Variants in SEC62 observed in about 807,000 individuals in gnomAD.
SEC62 encodes the protein SEC62 preprotein translocation factor.
In SEC62, 10 loss-of-function variants were observed where a neutral mutation model predicts 47.5. The observed-to-expected ratio is 0.21, with a 90% CI of 0.13 to 0.36. The LOEUF (loss-of-function observed/expected upper bound fraction) is 0.36, where lower values mean the gene tolerates loss of function less well. SEC62 is among the 10% of genes least tolerant of loss of function. The pLI, the probability that SEC62 is intolerant of heterozygous loss-of-function variation, is 1.00. For synonymous variants in SEC62, 136 were observed against 150.5 expected, an observed-to-expected ratio of 0.90 and a Z score of 0.71; for missense variants, 327 against 464.1, an observed-to-expected ratio of 0.70 and a Z score of 2.71.
intron 3 of SEC62, 98 bp downstream of exon 3, chr3:169,977,149 A>C: frequency 1.5e-6 from 1 of 683,168 alleles, no homozygotes; most frequent in South Asian, 2.5e-5. Flanking sequence ...ATACTACAAC[A>C]TAACTCAAAT....
chr3:169,969,705 T>C (rs1179813280), intron 1 of SEC62, among the ~76,000 whole-genome samples: 1 of 150,870 alleles, frequency 6.6e-6, no homozygotes, highest in African/African-American at 2.4e-5. Flanking sequence ...TGAATACTCT[T>C]TCTGTCTCAC....
At chr3:169,979,425 T>C (rs916803241) in intron 3 of SEC62, among the ~76,000 whole-genome samples, 3 of 152,198 alleles carry the variant, frequency 2.0e-5, no homozygotes, top group African/African-American at 7.2e-5. Flanking sequence ...AAAACAATCT[T>C]TTCTAATGTG....
chr3:169,969,244 T>C lies in SEC62; in HGVS notation c.36+2386T>C, dbSNP rs1225002404. The C allele has an allele frequency of 6.6e-6, 3 of 453,652 alleles. No individual in the cohort carries two copies. The Admixed American group carries it at 7.1e-5, about 11-fold the overall frequency. The allele number at this position is 453,652 out of a possible 1,614,324, so 28.1% of individuals were successfully genotyped here. A position where few individuals can be genotyped will look rare whatever the true frequency, so the allele number is the denominator to read the frequency against. On this transcript the variant is annotated intron_variant, in intron 1 of 7. Coordinates refer to ENST00000337002, the MANE Select transcript of SEC62 (RefSeq NM_003262.4). The stretch of plus-strand genomic sequence containing the variant: ...TTGATACAAACAAATAAGTTCAGGG[T>C]TAAAAAAAAAAGTAGCTAATTTGCT...
At chr3:169,971,676 TA>T (rs1714701750) in intron 1 of SEC62, among the ~76,000 whole-genome samples, 1 of 152,226 alleles carries the variant, frequency 6.6e-6, no homozygotes, top group African/African-American at 2.4e-5. Flanking sequence ...ATGAGATTTT[TA>T]AATTTTGTGC....
At chr3:169,990,328 G>A (rs1715215419) in intron 7 of SEC62, among the ~76,000 whole-genome samples, 1 of 151,650 alleles carries the variant, frequency 6.6e-6, no homozygotes, top group African/African-American at 2.4e-5. Context: ...TATATCTGGT[G>A]TTTCTTTGAA....
chr3:169,977,056 T>C lies in SEC62; in HGVS notation c.251+5T>C, dbSNP rs754390303. The stretch of plus-strand genomic sequence containing the variant: ...TGTGGTTGACTACTGCAACAGGTAC[T>C]GTTTATTTCTTAGTGAAGAATAACA... On this transcript the variant is annotated splice_donor_5th_base_variant and intron_variant, in intron 3 of 7. Coordinates refer to ENST00000337002, the MANE Select transcript of SEC62 (RefSeq NM_003262.4). The C allele has an allele frequency of 8.3e-6, 13 of 1,575,210 alleles. No homozygotes were observed. Among genetic ancestry groups the C allele is most frequent in the Non-Finnish European group, 1.0e-5 (12 of 1,153,086 alleles).
intron 3 of SEC62, among the ~76,000 whole-genome samples, chr3:169,980,086 A>G (rs768658453): frequency 2.6e-5 from 4 of 152,252 alleles, no homozygotes; most frequent in Non-Finnish European, 4.4e-5. Context: ...CTCCAGGAAT[A>G]CAATAATAAC....
At chr3:169,988,606 G>C (rs763612588) in intron 7 of SEC62, among the ~76,000 whole-genome samples, 14 of 151,956 alleles carry the variant, frequency 9.2e-5, no homozygotes, top group Non-Finnish European at 1.9e-4. Flanking sequence ...GATCATAATT[G>C]TATACATTTA....
chr3:169,974,003 G>A (rs555942753), intron 1 of SEC62, among the ~76,000 whole-genome samples: 7 of 152,318 alleles, frequency 4.6e-5, no homozygotes, highest in Admixed American at 1.3e-4. Context: ...AAGCTGAAAC[G>A]TAGGTTTGTT....
In SEC62 at chr3:169,993,844, A is replaced by C. The variant is rs886651607; in HGVS notation, c.*781A>C. The stretch of plus-strand genomic sequence containing the variant: ...ATTTTAATTGTTACTTATTATTTAG[A>C]TATTTCTCAACACTTAAATTCATAA... On this transcript the variant is annotated 3_prime_UTR_variant, in exon 8 of 8. Transcript: ENST00000337002. 5.9e-5 allele frequency: 9 copies of C among 152,632 alleles called. No individual in the cohort carries two copies. Among genetic ancestry groups the C allele is most frequent in the African/African-American group, 1.9e-4 (8 of 41,442 alleles). 9.5% of individuals were successfully genotyped at this position (152,632 alleles called of 1,614,324 possible). A position where few individuals can be genotyped will look rare whatever the true frequency, so the allele number is the denominator to read the frequency against.
In SEC62 at chr3:169,993,160, TTAAATC is replaced by T. The variant is rs1192070116; in HGVS notation, c.*100_*105del. On this transcript the variant is annotated 3_prime_UTR_variant, in exon 8 of 8. Transcript: ENST00000337002. ...GAACACATGGCATTTGTAGCATTCTTTAAATCTATCTACTGAAATGTATTTGACATT... is the reference window on the plus strand; with the variant it reads ...GAACACATGGCATTTGTAGCATTCTTTATCTACTGAAATGTATTTGACATT... 10 of 872,356 alleles carry T rather than the reference TTAAATC, an allele frequency of 1.1e-5. No individual in the cohort carries two copies. Among genetic ancestry groups the T allele is most frequent in the Non-Finnish European group, 1.7e-5 (10 of 573,320 alleles). The allele number at this position is 872,356 out of a possible 1,614,324, so 54.0% of individuals were successfully genotyped here.
chr3:169,971,312 C>T (rs916333810), intron 1 of SEC62, among the ~76,000 whole-genome samples: 1 of 152,024 alleles, frequency 6.6e-6, no homozygotes, highest in African/African-American at 2.4e-5. Flanking sequence ...TGGTCTCATG[C>T]GATCCACCTC....
rs1218200630 is a variant in SEC62 at position 169,997,815 on chromosome 3, G to A, written c.*4752G>A. 1 of 152,168 alleles carries A rather than the reference G, an allele frequency of 6.6e-6. No individual in the cohort carries two copies. Among genetic ancestry groups the A allele is most frequent in the African/African-American group, 2.4e-5 (1 of 41,436 alleles). 9.4% of individuals were successfully genotyped at this position (152,168 alleles called of 1,614,324 possible). A position where few individuals can be genotyped will look rare whatever the true frequency, so the allele number is the denominator to read the frequency against. On this transcript the variant is annotated 3_prime_UTR_variant, in exon 8 of 8. Transcript: ENST00000337002. ...AAAAGGAAATGCATGGGGTTACAAGGGAAACGAATTACACTGAAGTGTAAG... is the reference window on the plus strand; with the variant it reads ...AAAAGGAAATGCATGGGGTTACAAGAGAAACGAATTACACTGAAGTGTAAG...
chr3:169,985,892 A>T, intron 6 of SEC62, 27 bp downstream of exon 6: 1 of 1,523,542 alleles, frequency 6.6e-7, no homozygotes, highest in Non-Finnish European at 9.0e-7. Flanking sequence ...TAATAGCTAT[A>T]AAGTGCAATC....
intron 3 of SEC62, among the ~76,000 whole-genome samples, chr3:169,981,594 T>G (rs1714975698): frequency 1.3e-5 from 2 of 152,158 alleles, no homozygotes; most frequent in Non-Finnish European, 2.9e-5. Flanking sequence ...GAGAAACCAA[T>G]CAGAAATTCT....
At position 169,975,910 on chromosome 3, in the gene SEC62, A is replaced by T. The variant is rs549969253; in HGVS notation, c.145+194A>T. 1.0e-3 allele frequency among the ~76,000 whole-genome samples: 158 copies of T among 152,370 alleles called. 1 individual carries two copies. The highest frequency in any genetic ancestry group is 3.7e-3 in the African/African-American group (152 of 41,596). On this transcript the variant is annotated intron_variant, in intron 2 of 7. Coordinates refer to ENST00000337002, the MANE Select transcript of SEC62 (RefSeq NM_003262.4). The stretch of plus-strand genomic sequence containing the variant: ...ATAAAAAGATAACATGTTTTCTAAT[A>T]ACAATTGTTGGAAATTTTTTTAAAT...
chr3:169,996,123 T>G lies in SEC62; in HGVS notation c.*3060T>G, dbSNP rs1715370518. On this transcript the variant is annotated 3_prime_UTR_variant, in exon 8 of 8. Transcript: ENST00000337002. Reference sequence around the variant, plus strand: ...AGCTCAGAATATGTGTACAGCAAGTTTTTTGCTGTACCACAAAATTTTAGG... The same window carrying G: ...AGCTCAGAATATGTGTACAGCAAGTGTTTTGCTGTACCACAAAATTTTAGG... 1 of 152,336 alleles carries G rather than the reference T, an allele frequency of 6.6e-6. No individual in the cohort carries two copies. The highest frequency in any genetic ancestry group is 1.5e-5 in the Non-Finnish European group (1 of 68,022). 9.4% of individuals were successfully genotyped at this position (152,336 alleles called of 1,614,324 possible).
At chr3:169,981,860 C>G (rs1286611179) in intron 3 of SEC62, among the ~76,000 whole-genome samples, 1 of 151,908 alleles carries the variant, frequency 6.6e-6, no homozygotes, top group Non-Finnish European at 1.5e-5. Flanking sequence ...TAACAGGAAA[C>G]GAGAGAATGG....
In SEC62 at chr3:169,993,102, G is replaced by A; in HGVS notation, c.*39G>A. 1 of 1,453,688 alleles carries A rather than the reference G, an allele frequency of 6.9e-7. No homozygotes were observed. The highest frequency in any genetic ancestry group is 9.2e-7 in the Non-Finnish European group (1 of 1,086,606). The allele number at this position is 1,453,688 out of a possible 1,614,324, so 90.0% of individuals were successfully genotyped here. ...GGGACTGAATGAATAAGTACAAGAG[G>A]TTGGATTTTCTATGTTGGCTGATTA... On this transcript the variant is annotated 3_prime_UTR_variant, in exon 8 of 8. Transcript: ENST00000337002.
Sources: gnomAD v4.1 joint callset for allele counts (sites outside exome capture counted in the v4.1 genomes callset) on GRCh38, gnomAD v4.1.1 for gene constraint, MANE v1.5 for transcripts, NCBI Gene and HGNC (gene_info 2026-07-23, HGNC 2026-07-21) for gene names.